Variants in ZFYVE28 observed in about 807,000 individuals in gnomAD.
ZFYVE28 encodes the protein zinc finger FYVE-type containing 28, also known as lateral signaling target protein 2 homolog.
Under a neutral mutation model 82.1 loss-of-function variants are expected in ZFYVE28, and 40 were observed. The ratio of observed to expected loss-of-function variants is 0.49; its 90% CI spans 0.38 to 0.63. ZFYVE28 has a LOEUF of 0.63. ZFYVE28 is among the 30% of genes least tolerant of loss of function. The pLI is 0.00. For synonymous variants in ZFYVE28, 612 were observed against 546.1 expected (o/e 1.12, Z -1.68); for missense variants, 1,321 against 1,242.1 (o/e 1.06, Z -0.96).
At chr4:2,392,927 T>C (rs961608548) in intron 1 of ZFYVE28, among the ~76,000 whole-genome samples, 7 of 152,218 alleles carry the variant, frequency 4.6e-5, no homozygotes, top group Admixed American at 6.5e-5. Flanking sequence ...AATATGTCCA[T>C]GTAGAATCGA....
intron 1 of ZFYVE28, among the ~76,000 whole-genome samples, chr4:2,367,633 G>C (rs1253585130): frequency 1.3e-5 from 2 of 152,242 alleles, no homozygotes; most frequent in African/African-American, 4.8e-5. Context: ...CCCAGACAGG[G>C]GTCCAAGGTT....
intron 1 of ZFYVE28, among the ~76,000 whole-genome samples, chr4:2,405,371 T>C (rs527281966): frequency 6.6e-6 from 1 of 152,340 alleles, no homozygotes; most frequent in African/African-American, 2.4e-5. Context: ...GCACACCAAT[T>C]GGACCAAATT....
At chr4:2,393,101 T>C (rs1730011741) in intron 1 of ZFYVE28, among the ~76,000 whole-genome samples, 3 of 152,208 alleles carry the variant, frequency 2.0e-5, no homozygotes, top group Admixed American at 2.0e-4. Context: ...CGCTGTCATA[T>C]TGATCATGGC....
intron 6 of ZFYVE28, among the ~76,000 whole-genome samples, chr4:2,327,742 A>G (rs1318031967): frequency 6.6e-6 from 1 of 152,146 alleles, no homozygotes; most frequent in Non-Finnish European, 1.5e-5. Flanking sequence ...ACAATTATTG[A>G]TTTGTGTATA....
intron 1 of ZFYVE28, among the ~76,000 whole-genome samples, chr4:2,370,848 AGGAGGGAT>A: frequency 6.6e-6 from 1 of 152,276 alleles, no homozygotes; most frequent in Non-Finnish European, 1.5e-5. Context: ...GACTGCCCTC[AGGAGGGAT>A]GGGCACCCAA....
In ZFYVE28 at chr4:2,418,143, G is replaced by C; in HGVS notation, c.39+142C>G. On this transcript the variant is annotated intron_variant, in intron 1 of 12. Coordinates refer to ENST00000290974, the MANE Select transcript of ZFYVE28 (RefSeq NM_020972.3). The surrounding 1 kb of genome is among the most constrained non-coding windows in gnomAD (Gnocchi z 4.6). The stretch of plus-strand genomic sequence containing the variant: ...GATGAAGATCTGTCCAAGTCTTGGA[G>C]TGGAGGGAAGGATGTCGGCGGTGGG... 1 of 664,000 alleles carries C rather than the reference G, an allele frequency of 1.5e-6. No homozygotes were observed. The highest frequency in any genetic ancestry group is 2.3e-6 in the Non-Finnish European group (1 of 435,494). 41.1% of individuals were successfully genotyped at this position (664,000 alleles called of 1,614,324 possible).
intron 7 of ZFYVE28, among the ~76,000 whole-genome samples, chr4:2,319,668 T>A (rs567239127): frequency 2.0e-5 from 3 of 152,206 alleles, no homozygotes; most frequent in Admixed American, 6.5e-5. Context: ...GCAAAGCCCT[T>A]GGCCCATATG....
Position 2,320,349 on chromosome 4 carries a change from T to A in ZFYVE28, c.702-78A>T, listed in dbSNP as rs1043349373. 1.5e-6 allele frequency: 2 copies of A among 1,348,768 alleles called. No homozygotes were observed. The highest frequency in any genetic ancestry group is 2.9e-5 in the African/African-American group (2 of 69,118). 83.6% of individuals were successfully genotyped at this position (1,348,768 alleles called of 1,614,324 possible). On this transcript the variant is annotated intron_variant, in intron 6 of 12. Transcript: ENST00000290974. This position sits in a 1 kb window ranked among gnomAD's most constrained non-coding sequence, Gnocchi z 5.1. ...CCGCGGACGGCCCAACTTAACCACC[T>A]GCGAAAACCACGCCCGCTGGGACTC...
intron 5 of ZFYVE28, 144 bp downstream of exon 5, chr4:2,337,263 G>T: frequency 3.1e-6 from 2 of 642,646 alleles, no homozygotes; most frequent in South Asian, 2.5e-5. Context: ...CGGATGTAGT[G>T]TGGGAAGACA....
intron 1 of ZFYVE28, chr4:2,364,772 C>A (rs1726643699): frequency 2.0e-6 from 2 of 985,548 alleles, no homozygotes; most frequent in African/African-American, 1.7e-5. Context: ...GCCGCGCCCT[C>A]GTCAAGGCGC....
intron 6 of ZFYVE28, among the ~76,000 whole-genome samples, chr4:2,329,913 CTCAGA>C (rs1720409738): frequency 6.6e-6 from 1 of 152,162 alleles, no homozygotes. Context: ...TTTGTGCCCC[CTCAGA>C]TCAATGCAAC....
chr4:2,391,455 C>CT (rs140103966), intron 1 of ZFYVE28, among the ~76,000 whole-genome samples: 27,217 of 117,096 alleles, frequency 0.23, 3,807 homozygotes, highest in African/African-American at 0.38. Flanking sequence ...GGTCAATTAT[C>CT]TTTTTTTTTT....
chr4:2,374,957 A>G (rs1727962168), intron 1 of ZFYVE28, among the ~76,000 whole-genome samples: 1 of 152,230 alleles, frequency 6.6e-6, no homozygotes, highest in Non-Finnish European at 1.5e-5. Context: ...GGATAAGGAC[A>G]GAGCCCAGTC....
chr4:2,270,988 C>T, intron 12 of ZFYVE28, 132 bp from the exon 13 acceptor site: 1 of 1,390,914 alleles, frequency 7.2e-7, no homozygotes, highest in Non-Finnish European at 9.7e-7. Flanking sequence ...CCCCAGCTGC[C>T]AGGGGTTGTG....
At chr4:2,383,660 T>G (rs1251852391) in intron 1 of ZFYVE28, among the ~76,000 whole-genome samples, 1 of 152,174 alleles carries the variant, frequency 6.6e-6, no homozygotes, top group African/African-American at 2.4e-5. Context: ...ATATCACGCT[T>G]CAAGTGTCAA....
intron 1 of ZFYVE28, among the ~76,000 whole-genome samples, chr4:2,399,049 C>CAAGCGTGGAGGTGAGATCCAGGGCAA (rs1730842555): frequency 7.3e-6 from 1 of 136,334 alleles, no homozygotes; most frequent in Non-Finnish European, 1.5e-5. Context: ...ATCCAGGGCA[C>CAAGCGTGGAGGTGAGATCCAGGGCAA]AAGCGTGGAG....
chr4:2,303,473 G>A lies in ZFYVE28; in HGVS notation c.2051+816C>T, dbSNP rs76002782. Among the ~76,000 whole-genome samples, 1,356 of 152,248 alleles carry A rather than the reference G, an allele frequency of 8.9e-3. 20 individuals carry two copies. The highest frequency in any genetic ancestry group is 0.03 in the African/African-American group (1,252 of 41,540). On this transcript the variant is annotated intron_variant, in intron 8 of 12. Transcript: ENST00000290974. Reference sequence around the variant, plus strand: ...GAACCTCGTCCCCTCCCTGTCCTCCGTCTCTCTTCCAGTTAGCGAGGCCTA... The same window carrying A: ...GAACCTCGTCCCCTCCCTGTCCTCCATCTCTCTTCCAGTTAGCGAGGCCTA...
intron 2 of ZFYVE28, among the ~76,000 whole-genome samples, chr4:2,345,067 C>A (rs184811613): frequency 6.6e-6 from 1 of 150,862 alleles, no homozygotes; most frequent in Non-Finnish European, 1.5e-5. Context: ...AAAAAAATAG[C>A]CGGGCACCTG....
chr4:2,317,840 C>A (rs1718454516), intron 7 of ZFYVE28, among the ~76,000 whole-genome samples: 2 of 152,154 alleles, frequency 1.3e-5, no homozygotes. Context: ...ACCATGTTGG[C>A]CAGGCTGGTC....
Sources: allele counts gnomAD v4.1 joint callset (sites outside exome capture counted in the v4.1 genomes callset), GRCh38; gene constraint gnomAD v4.1.1; non-coding constraint Gnocchi (gnomAD v3.1); transcripts MANE v1.5; gene names NCBI Gene and HGNC (gene_info 2026-07-23, HGNC 2026-07-21).